The following CNTNAP2 variants were observed in gnomAD, a reference collection of about 807,000 sequenced individuals.
CNTNAP2 encodes the protein contactin-associated protein-like 2.
A neutral mutation model predicts 155.2 loss-of-function variants in CNTNAP2; 98 were observed. The ratio of observed to expected loss-of-function variants is 0.63; its 90% CI spans 0.54 to 0.75. The LOEUF (loss-of-function observed/expected upper bound fraction) is 0.75. Ranked by LOEUF, CNTNAP2 falls within the 30% of genes least tolerant of loss-of-function variation. CNTNAP2 has a pLI of 0.00. For missense variants in CNTNAP2, 1,727 were observed against 1,688.1 expected (o/e 1.02, Z -0.40); for synonymous variants, 651 against 631.2 (o/e 1.03, Z -0.47).
chr7:147,908,749 A>C (rs967783614), intron 14 of CNTNAP2, among the ~76,000 whole-genome samples: 1 of 152,246 alleles, frequency 6.6e-6, no homozygotes, highest in Non-Finnish European at 1.5e-5. Flanking sequence ...GTAAAAATAA[A>C]GGTTCTATTA....
intron 11 of CNTNAP2, among the ~76,000 whole-genome samples, chr7:147,502,680 G>A (rs776015847): frequency 6.6e-6 from 1 of 151,862 alleles, no homozygotes; most frequent in African/African-American, 2.4e-5. Flanking sequence ...GAGTTGATGG[G>A]TGTGTTAATT....
At chr7:148,167,658 C>T (rs550641290) in intron 17 of CNTNAP2, among the ~76,000 whole-genome samples, 29 of 152,266 alleles carry the variant, frequency 1.9e-4, no homozygotes, top group African/African-American at 6.0e-4. Flanking sequence ...TGGAAGGAGT[C>T]ACAGACACCA....
chr7:146,490,189 C>A (rs1488665725), intron 1 of CNTNAP2, among the ~76,000 whole-genome samples: 1 of 152,170 alleles, frequency 6.6e-6, no homozygotes, highest in Non-Finnish European at 1.5e-5. Context: ...TTTCAATAAT[C>A]ATTTGTTGTT....
intron 9 of CNTNAP2, among the ~76,000 whole-genome samples, chr7:147,304,748 C>G (rs1317568405): frequency 1.3e-5 from 2 of 152,158 alleles, no homozygotes; most frequent in Non-Finnish European, 2.9e-5. Flanking sequence ...CTCTTTCCAG[C>G]TCACCAGTAC....
chr7:146,444,872 G>A (rs1004327517), intron 1 of CNTNAP2, among the ~76,000 whole-genome samples: 1 of 151,508 alleles, frequency 6.6e-6, no homozygotes, highest in Admixed American at 6.6e-5. Flanking sequence ...GGCCAGGCTG[G>A]TCTCGAACTC....
intron 15 of CNTNAP2, among the ~76,000 whole-genome samples, chr7:148,031,963 G>C (rs1301871069): frequency 6.6e-6 from 1 of 152,152 alleles, no homozygotes; most frequent in Non-Finnish European, 1.5e-5. Context: ...GTCACTGCCA[G>C]GTCTCCAGGG....
chr7:147,235,474 A>C (rs1378413370), intron 8 of CNTNAP2, among the ~76,000 whole-genome samples: 1 of 151,902 alleles, frequency 6.6e-6, no homozygotes, highest in Non-Finnish European at 1.5e-5. Flanking sequence ...CTTCCCCACT[A>C]TGAGAATGCC....
chr7:148,250,102 T>A (rs773628317), intron 20 of CNTNAP2, among the ~76,000 whole-genome samples: 3 of 152,262 alleles, frequency 2.0e-5, no homozygotes, highest in Admixed American at 6.5e-5. Flanking sequence ...CCTCACTGGC[T>A]TCATGCCGGG....
At chr7:147,735,747 T>G (rs1224486085) in intron 13 of CNTNAP2, among the ~76,000 whole-genome samples, 2 of 152,178 alleles carry the variant, frequency 1.3e-5, no homozygotes, top group Admixed American at 1.3e-4. Context: ...TAGTTCTTCT[T>G]GTTGAATTGA....
At chr7:147,587,899 A>G (rs994631710) in intron 12 of CNTNAP2, among the ~76,000 whole-genome samples, 1 of 152,188 alleles carries the variant, frequency 6.6e-6, no homozygotes, top group African/African-American at 2.4e-5. Flanking sequence ...GTTAGAAGCC[A>G]GAAGTCTTGA....
intron 10 of CNTNAP2, among the ~76,000 whole-genome samples, chr7:147,413,301 T>G (rs1055610805): frequency 6.6e-6 from 1 of 152,162 alleles, no homozygotes; most frequent in Non-Finnish European, 1.5e-5. Flanking sequence ...ATGGAAGCGT[T>G]GGAGAAAAGT....
chr7:146,949,099 G>C (rs1200433697), intron 3 of CNTNAP2, among the ~76,000 whole-genome samples: 4 of 152,082 alleles, frequency 2.6e-5, no homozygotes, highest in Non-Finnish European at 5.9e-5. Flanking sequence ...TGTAAGTGAG[G>C]GGCTTAAGCT....
chr7:146,795,985 T>C (rs2129190238), intron 2 of CNTNAP2, among the ~76,000 whole-genome samples: 1 of 152,294 alleles, frequency 6.6e-6, no homozygotes, highest in South Asian at 2.1e-4. Context: ...GGAATACACT[T>C]CAAGTAAATA....
chr7:148,233,080 C>A (rs909868207), intron 20 of CNTNAP2, among the ~76,000 whole-genome samples: 2 of 152,208 alleles, frequency 1.3e-5, no homozygotes, highest in African/African-American at 4.8e-5. Context: ...TAGCTTAAGG[C>A]TTAATGCCAG....
chr7:147,086,429 T>C (rs1211806880), intron 4 of CNTNAP2, among the ~76,000 whole-genome samples: 1 of 152,110 alleles, frequency 6.6e-6, no homozygotes, highest in Non-Finnish European at 1.5e-5. Flanking sequence ...TTTATTTTTA[T>C]TTTTAATTTT....
intron 21 of CNTNAP2, among the ~76,000 whole-genome samples, chr7:148,363,005 A>G (rs1798655855): frequency 6.6e-6 from 1 of 151,714 alleles, no homozygotes; most frequent in East Asian, 1.9e-4. Context: ...TTTTAAACGG[A>G]GTTTCGCTTT....
intron 22 of CNTNAP2, 143 bp downstream of exon 22, chr7:148,384,031 G>T: frequency 4.4e-6 from 5 of 1,134,204 alleles, no homozygotes; most frequent in Non-Finnish European, 6.4e-6. Flanking sequence ...TTGTGAGTAC[G>T]GAGTTCTCAG....
At chr7:146,462,539 C>G (rs1327276564) in intron 1 of CNTNAP2, among the ~76,000 whole-genome samples, 1 of 152,144 alleles carries the variant, frequency 6.6e-6, no homozygotes, top group East Asian at 1.9e-4. Flanking sequence ...TAGTTGATCT[C>G]TTTATTAAAG....
chr7:146,646,527 T>C (rs1799815264), intron 1 of CNTNAP2, among the ~76,000 whole-genome samples: 1 of 152,194 alleles, frequency 6.6e-6, no homozygotes, highest in Admixed American at 6.6e-5. Flanking sequence ...AAAGTATATA[T>C]ACACACAGTA....
Sources: allele counts gnomAD v4.1 joint callset (sites outside exome capture counted in the v4.1 genomes callset), GRCh38; gene constraint gnomAD v4.1.1; transcripts MANE v1.5; gene names NCBI Gene and HGNC (gene_info 2026-07-23, HGNC 2026-07-21).